The following SVIL variants were observed in gnomAD, a reference collection of about 807,000 sequenced individuals.
The protein encoded by SVIL is supervillin.
A neutral mutation model predicts 240.4 loss-of-function variants in SVIL; 101 were observed. The observed-to-expected ratio is 0.42, with a 90% CI of 0.36 to 0.50. The LOEUF (loss-of-function observed/expected upper bound fraction) is 0.50. Among genes scored for constraint, SVIL ranks in the 20% least tolerant of loss-of-function variants. SVIL has a pLI of 0.01. For missense variants in SVIL, 2,512 were observed against 2,818.7 expected, an observed-to-expected ratio of 0.89 and a Z score of 2.46; for synonymous variants, 999 against 1,100.0, an observed-to-expected ratio of 0.91 and a Z score of 1.82.
chr10:29,683,778 T>C (rs11007697), intron 2 of SVIL, among the ~76,000 whole-genome samples: 42,412 of 151,992 alleles, frequency 0.28, 6,047 homozygotes, highest in East Asian at 0.47. Context: ...ACACAGCCTG[T>C]GCCAGGCCCT....
chr10:29,701,140 CA>C (rs1962482795), intron 1 of SVIL, among the ~76,000 whole-genome samples: 1 of 152,202 alleles, frequency 6.6e-6, no homozygotes, highest in Admixed American at 6.5e-5. Context: ...TCCTTATAAC[CA>C]TACCCCACCC....
At chr10:29,730,082 G>A (rs1359736311) in intron 1 of SVIL, among the ~76,000 whole-genome samples, 3 of 151,990 alleles carry the variant, frequency 2.0e-5, no homozygotes, top group African/African-American at 7.3e-5. Flanking sequence ...GGAGGCTGAG[G>A]AGGGAGGATT....
At chr10:29,481,133 GGTGTGT>G (rs57479630) in intron 28 of SVIL, among the ~76,000 whole-genome samples, 53 of 141,400 alleles carry the variant, frequency 3.7e-4, no homozygotes, top group Non-Finnish European at 6.3e-4. Context: ...TAGCTTTAAG[GGTGTGT>G]GTGTGTGTGT....
At chr10:29,475,232 TG>T (rs1370291311) in intron 29 of SVIL, 1 of 152,212 alleles carries the variant, frequency 6.6e-6, no homozygotes, top group African/African-American at 2.4e-5. Flanking sequence ...GGTCTCACTA[TG>T]TTACCCAGCC....
chr10:29,717,232 C>CAAAAAAAA lies in SVIL; in HGVS notation c.-400+18511_-400+18518dup, dbSNP rs71023503. Among the ~76,000 whole-genome samples, 22 of 38,328 alleles carry CAAAAAAAA rather than the reference C, an allele frequency of 5.7e-4. 1 individual carries two copies. The highest frequency in any genetic ancestry group is 8.6e-4 in the African/African-American group (9 of 10,440). 25.1% of individuals were successfully genotyped at this position (38,328 alleles called of 152,430 possible). ...TGGGCGACAGAGCAAGACTCTCTCT[C>CAAAAAAAA]AAAAAAAAAAAAAAAAAAAAAAAAA... is the stretch of plus-strand genomic sequence containing the variant. On this transcript the variant is annotated intron_variant, in intron 1 of 35. Transcript: ENST00000375400.
intron 1 of SVIL, among the ~76,000 whole-genome samples, chr10:29,580,144 C>A (rs1955876928): frequency 6.6e-6 from 1 of 151,362 alleles, no homozygotes; most frequent in Non-Finnish European, 1.5e-5. Flanking sequence ...GCCTGGGCAA[C>A]AAAGTTAGAC....
intron 6 of SVIL, among the ~76,000 whole-genome samples, chr10:29,548,240 C>T (rs1389556086): frequency 6.6e-6 from 1 of 152,132 alleles, no homozygotes; most frequent in Non-Finnish European, 1.5e-5. Flanking sequence ...GGTGTGCACC[C>T]CTGTGTCCCA....
chr10:29,714,755 T>C (rs1370973979), intron 1 of SVIL, among the ~76,000 whole-genome samples: 1 of 148,292 alleles, frequency 6.7e-6, no homozygotes, highest in East Asian at 2.0e-4. Flanking sequence ...AGCTCAGGAG[T>C]TCAAGACCAG....
Position 29,480,742 on chromosome 10 carries a change from G to T in SVIL, c.5172C>A (p.Gly1724=), listed in dbSNP as rs1946740052. Residue 1724 remains glycine (G), a synonymous_variant, in exon 29 of 38, where the codon GGC becomes GGA. Coordinates refer to ENST00000355867, the MANE Select transcript of SVIL (RefSeq NM_021738.3). ...RMVSMPQTTA[G]TILDGVNVGR... is the part of the protein sequence containing the mutation. ...CGACGTTCACTCCGTCCAGGATGGT[G>T]CCTGCTGTCGTCTGGGGCATGGACA... 6.8e-6 allele frequency: 11 copies of T among 1,614,154 alleles called. No individual in the cohort carries two copies. The highest frequency in any genetic ancestry group is 9.3e-6 in the Non-Finnish European group (11 of 1,180,030).
chr10:29,668,722 C>T (rs1410973895), intron 2 of SVIL, among the ~76,000 whole-genome samples: 1 of 152,214 alleles, frequency 6.6e-6, no homozygotes. Context: ...GATCCACCCA[C>T]CTTGGCCTCC....
At chr10:29,613,436 A>T (rs529035018) in intron 1 of SVIL, among the ~76,000 whole-genome samples, 7 of 152,164 alleles carry the variant, frequency 4.6e-5, no homozygotes, top group Admixed American at 4.6e-4. Flanking sequence ...GGGCTCAAGC[A>T]ATGCTTCTGC....
At chr10:29,736,461 G>A (rs1415039164), upstream of SVIL, among the ~76,000 whole-genome samples, 1 of 152,176 alleles carries the variant, frequency 6.6e-6, no homozygotes, top group East Asian at 1.9e-4. Context: ...GGAGGCCAGG[G>A]CCGCCCTATC....
chr10:29,500,511 T>C (rs531081413), intron 17 of SVIL, among the ~76,000 whole-genome samples: 21 of 152,236 alleles, frequency 1.4e-4, no homozygotes, highest in African/African-American at 5.1e-4. Context: ...CACTTTCCAC[T>C]GTCTCTTGAA....
At chr10:29,528,498 G>A (rs1171409623) in intron 12 of SVIL, among the ~76,000 whole-genome samples, 1 of 152,172 alleles carries the variant, frequency 6.6e-6, no homozygotes, top group Non-Finnish European at 1.5e-5. Flanking sequence ...CAGCACTTTG[G>A]GAGGCTGAGG....
At chr10:29,564,333 C>G (rs1954778750) in intron 2 of SVIL, among the ~76,000 whole-genome samples, 2 of 152,152 alleles carry the variant, frequency 1.3e-5, no homozygotes, top group South Asian at 2.1e-4. Flanking sequence ...TTCATACTAG[C>G]CACAGTCACC....
chr10:29,561,053 C>T lies in SVIL; in HGVS notation c.-51+2148G>A, dbSNP rs748283855. ...AGCCAGGATGGTCTCGATCTCCTGA[C>T]CTCGTAATCCACCTGCCTTGGCCTC... On this transcript the variant is annotated intron_variant, in intron 3 of 37. Transcript: ENST00000355867. Among the ~76,000 whole-genome samples the T allele has an allele frequency of 1.7e-4, 25 of 151,340 alleles. No homozygotes were observed. In the South Asian group the frequency reaches 2.9e-3, roughly 18 times the overall value.
chr10:29,657,014 C>T (rs1454867499), intron 3 of SVIL, among the ~76,000 whole-genome samples: 5 of 152,154 alleles, frequency 3.3e-5, no homozygotes, highest in Non-Finnish European at 5.9e-5. Context: ...TTATAAGCAT[C>T]TTACACATAA....
At chr10:29,542,607 T>A (rs894003911) in intron 6 of SVIL, among the ~76,000 whole-genome samples, 5 of 152,180 alleles carry the variant, frequency 3.3e-5, no homozygotes, top group Non-Finnish European at 5.9e-5. Flanking sequence ...AGGCATGCAA[T>A]GCGTAATAAT....
chr10:29,480,571 A>G lies in SVIL; in HGVS notation c.5343T>C (p.Tyr1781=), dbSNP rs773565742. Reference sequence around the variant, plus strand: ...TCACCATGAACTTCCACTTGACCACATAGGCATCCCCCTCATGGAACTGCC... The same window carrying G: ...TCACCATGAACTTCCACTTGACCACGTAGGCATCCCCCTCATGGAACTGCC... ...SIGQFHEGDA[Y]VVKWKFMVST... The change falls in exon 29 of 38, where the codon TAT becomes TAC. Residue 1781 remains tyrosine (Y), a synonymous_variant. Coordinates refer to ENST00000355867, the MANE Select transcript of SVIL (RefSeq NM_021738.3). 6.2e-7 allele frequency: 1 copy of G among 1,613,776 alleles called. No individual in the cohort carries two copies. Among genetic ancestry groups the G allele is most frequent in the East Asian group, 2.2e-5 (1 of 44,866 alleles).
Sources: allele counts gnomAD v4.1 joint callset (sites outside exome capture counted in the v4.1 genomes callset), GRCh38; gene constraint gnomAD v4.1.1; transcripts MANE v1.5; gene names NCBI Gene and HGNC (gene_info 2026-07-23, HGNC 2026-07-21).